Variants in POU6F2 observed in about 807,000 individuals in gnomAD.
POU6F2 encodes POU class 6 homeobox 2.
POU6F2 carries 31 observed loss-of-function variants against 71.3 expected under a neutral mutation model. That is an observed-to-expected ratio of 0.43 (90% confidence interval 0.33 to 0.59). The LOEUF is 0.59. Ranked by LOEUF, POU6F2 falls within the 20% of genes least tolerant of loss-of-function variation. The pLI is 0.04. For missense variants in POU6F2, 783 were observed against 856.8 expected (o/e 0.91, Z 1.07); for synonymous variants, 347 against 355.7 (o/e 0.98, Z 0.27).
Position 39,188,480 on chromosome 7 carries a change from T to A in POU6F2, c.278-15755T>A, listed in dbSNP as rs541769505. Among the ~76,000 whole-genome samples the A allele has an allele frequency of 2.0e-5, 3 of 152,188 alleles. No homozygotes were observed. The East Asian group carries it at 5.8e-4, about 29-fold the overall frequency. On this transcript the variant is annotated intron_variant, in intron 2 of 9. Transcript: ENST00000518318. Reference sequence around the variant, plus strand: ...GGTGCACACCACCACCCCTGGCTAATTTTTGCATTTTTAGTAGAAACAGGG... The same window carrying A: ...GGTGCACACCACCACCCCTGGCTAAATTTTGCATTTTTAGTAGAAACAGGG...
At chr7:38,987,245 A>G (rs922648673) in intron 1 of POU6F2, among the ~76,000 whole-genome samples, 12 of 152,134 alleles carry the variant, frequency 7.9e-5, no homozygotes, top group African/African-American at 2.7e-4. Flanking sequence ...AGCAATAAAG[A>G]TCACAATATT....
chr7:39,100,731 C>CTCA lies in POU6F2; in HGVS notation c.277+14701_277+14703dup, dbSNP rs2128723583. Among the ~76,000 whole-genome samples the CTCA allele has an allele frequency of 2.0e-5, 3 of 152,272 alleles. No individual in the cohort carries two copies. The East Asian group carries it at 5.8e-4, about 29-fold the overall frequency. ...ATATAATGTGACAGTTTTGACTTTC[C>CTCA]TCACTGAATTTATAGCTGTATCGCC... On this transcript the variant is annotated intron_variant, in intron 2 of 9. Transcript: ENST00000518318.
At chr7:39,142,173 T>C (rs1792516668) in intron 2 of POU6F2, among the ~76,000 whole-genome samples, 1 of 152,126 alleles carries the variant, frequency 6.6e-6, no homozygotes, top group South Asian at 2.1e-4. Context: ...TGTCTTCTAA[T>C]GTAAGGTCAT....
At position 39,466,967 on chromosome 7, in the gene POU6F2, A is replaced by C. The variant is rs1163364338; in HGVS notation, c.*2281A>C. On this transcript the variant is annotated 3_prime_UTR_variant, in exon 10 of 10. Transcript: ENST00000518318. The stretch of plus-strand genomic sequence containing the variant: ...CCATCAAGAAAAGCTCCCTGCGAAG[A>C]GAAGTTAACAAGATAACATATGATG... 2.6e-5 allele frequency: 4 copies of C among 152,260 alleles called. No homozygotes were observed. The highest frequency in any genetic ancestry group is 5.9e-5 in the Non-Finnish European group (4 of 68,052). 9.4% of individuals were successfully genotyped at this position (152,260 alleles called of 1,614,324 possible). A position where few individuals can be genotyped will look rare whatever the true frequency, so the allele number is the denominator to read the frequency against.
intron 2 of POU6F2, among the ~76,000 whole-genome samples, chr7:39,152,447 C>G (rs956603404): frequency 6.6e-6 from 1 of 152,180 alleles, no homozygotes; most frequent in Non-Finnish European, 1.5e-5. Context: ...CCGATCCAAA[C>G]CTCTCCTCCC....
chr7:39,327,104 C>G (rs1785517657), intron 4 of POU6F2, among the ~76,000 whole-genome samples: 1 of 151,912 alleles, frequency 6.6e-6, no homozygotes, highest in African/African-American at 2.4e-5. Context: ...ACTGTGAAAC[C>G]CCGTCTCTAC....
intron 1 of POU6F2, among the ~76,000 whole-genome samples, chr7:39,012,275 C>A (rs1426652647): frequency 6.6e-6 from 1 of 152,106 alleles, no homozygotes; most frequent in Non-Finnish European, 1.5e-5. Context: ...TCATTCATTT[C>A]ATCTTCCATT....
At chr7:39,005,484 C>CTCTGTGTGTGTGTGTGTG (rs373403349) in intron 1 of POU6F2, among the ~76,000 whole-genome samples, 1 of 126,610 alleles carries the variant, frequency 7.9e-6, no homozygotes, top group Non-Finnish European at 1.7e-5. Context: ...AGGGAGAAAC[C>CTCTGTGTGTGTGTGTGTG]TGTGTGTGTG....
At chr7:39,432,181 G>T (rs1349393242) in intron 6 of POU6F2, among the ~76,000 whole-genome samples, 1 of 152,022 alleles carries the variant, frequency 6.6e-6, no homozygotes, top group Non-Finnish European at 1.5e-5. Context: ...ACAGTAATTG[G>T]ATCTGGCCAG....
intron 2 of POU6F2, among the ~76,000 whole-genome samples, chr7:39,160,821 G>A (rs796906002): frequency 2.0e-5 from 3 of 152,114 alleles, no homozygotes; most frequent in South Asian, 2.1e-4. Context: ...GAGTGCCCAC[G>A]TGTTATAATG....
At chr7:39,151,647 CTCTTT>C (rs1440302949) in intron 2 of POU6F2, among the ~76,000 whole-genome samples, 4 of 152,168 alleles carry the variant, frequency 2.6e-5, no homozygotes, top group Non-Finnish European at 5.9e-5. Context: ...CTAGTAACTT[CTCTTT>C]TCATCTAACT....
chr7:39,294,208 A>AT (rs970087532), intron 4 of POU6F2, among the ~76,000 whole-genome samples: 4 of 151,348 alleles, frequency 2.6e-5, no homozygotes, highest in African/African-American at 7.3e-5. Context: ...AGCTGTCTCT[A>AT]TTTTTTACTC....
chr7:39,129,795 G>A (rs1792222047), intron 2 of POU6F2, among the ~76,000 whole-genome samples: 1 of 152,104 alleles, frequency 6.6e-6, no homozygotes, highest in East Asian at 1.9e-4. Context: ...CGGGCGCTGT[G>A]GCTCACGCCT....
intron 2 of POU6F2, among the ~76,000 whole-genome samples, chr7:39,187,787 C>G: frequency 6.6e-6 from 1 of 152,282 alleles, no homozygotes; most frequent in Non-Finnish European, 1.5e-5. Context: ...TACGCTGTTT[C>G]GGAACACCGG....
intron 2 of POU6F2, among the ~76,000 whole-genome samples, chr7:39,201,636 T>C (rs1371528487): frequency 1.3e-5 from 2 of 152,222 alleles, no homozygotes; most frequent in African/African-American, 2.4e-5. Context: ...CTGGAATTCC[T>C]TGGTCTCAGA....
At chr7:39,399,594 G>A (rs187533498) in intron 5 of POU6F2, among the ~76,000 whole-genome samples, 56 of 152,306 alleles carry the variant, frequency 3.7e-4, no homozygotes, top group African/African-American at 1.2e-3. Flanking sequence ...TGGCTCACAC[G>A]TATAATCCCA....
At chr7:39,242,672 A>C (rs565054468) in intron 4 of POU6F2, among the ~76,000 whole-genome samples, 24 of 152,252 alleles carry the variant, frequency 1.6e-4, no homozygotes, top group African/African-American at 5.5e-4. Context: ...TGAGAAGGGT[A>C]GTATACCTAT....
chr7:39,216,728 T>C (rs1385659034), intron 4 of POU6F2, among the ~76,000 whole-genome samples: 1 of 152,198 alleles, frequency 6.6e-6, no homozygotes, highest in Non-Finnish European at 1.5e-5. Flanking sequence ...AATACCAACT[T>C]TCTTTAAAAC....
intron 4 of POU6F2, among the ~76,000 whole-genome samples, chr7:39,317,282 C>T (rs1005282705): frequency 5.3e-5 from 8 of 152,244 alleles, no homozygotes; most frequent in East Asian, 1.9e-4. Context: ...CAGAGGCTGC[C>T]AACATGATGG....
Sources: gnomAD v4.1 joint callset for allele counts (sites outside exome capture counted in the v4.1 genomes callset) on GRCh38, gnomAD v4.1.1 for gene constraint, MANE v1.5 for transcripts, NCBI Gene and HGNC (gene_info 2026-07-23, HGNC 2026-07-21) for gene names.